PTPRG: variants seen among roughly 807,000 people sequenced by gnomAD.
PTPRG encodes the protein receptor-type tyrosine-protein phosphatase gamma.
PTPRG carries 102 observed loss-of-function variants against 165.3 expected under a neutral mutation model. The ratio of observed to expected loss-of-function variants is 0.62; its 90% CI spans 0.53 to 0.73. PTPRG has a LOEUF of 0.73. PTPRG is among the 30% of genes least tolerant of loss of function. The probability of loss-of-function intolerance (pLI) is 0.00; values close to 1 mark genes in which losing one functional copy is unlikely to be tolerated. For missense variants in PTPRG, 1,866 were observed against 1,861.4 expected (o/e 1.00, Z -0.05); for synonymous variants, 675 against 669.5 (o/e 1.01, Z -0.13).
intron 2 of PTPRG, among the ~76,000 whole-genome samples, chr3:61,841,729 G>C (rs185395664): frequency 1.3e-5 from 2 of 152,148 alleles, no homozygotes; most frequent in African/African-American, 2.4e-5. Context: ...TACTACTGTG[G>C]AATAGTAAAG....
chr3:62,057,320 A>G (rs895089656), intron 4 of PTPRG, among the ~76,000 whole-genome samples: 1 of 152,098 alleles, frequency 6.6e-6, no homozygotes, highest in Non-Finnish European at 1.5e-5. Context: ...ACCCACATCC[A>G]TCCTTCATCC....
intron 1 of PTPRG, among the ~76,000 whole-genome samples, chr3:61,746,108 G>T (rs1458380892): frequency 5.4e-5 from 8 of 149,306 alleles, no homozygotes; most frequent in African/African-American, 2.0e-4. Flanking sequence ...GAGTGGAGTG[G>T]CACAATCACG....
intron 4 of PTPRG, among the ~76,000 whole-genome samples, chr3:62,048,608 T>G (rs549153730): frequency 8.5e-4 from 129 of 152,338 alleles, no homozygotes; most frequent in African/African-American, 3.0e-3. Flanking sequence ...ACTACCTTTT[T>G]AATCTATCTC....
At chr3:61,991,040 T>G (rs1051596658) in intron 3 of PTPRG, among the ~76,000 whole-genome samples, 3 of 152,162 alleles carry the variant, frequency 2.0e-5, no homozygotes. Flanking sequence ...TAGAATTGCT[T>G]CCCACTCACT....
At chr3:62,127,344 G>A (rs76522027) in intron 5 of PTPRG, among the ~76,000 whole-genome samples, 2,779 of 152,306 alleles carry the variant, frequency 0.018, 82 homozygotes, top group African/African-American at 0.054. Context: ...TTAGGTAAGA[G>A]CCACGGAAGG....
intron 2 of PTPRG, among the ~76,000 whole-genome samples, chr3:61,812,664 C>T (rs1025682714): frequency 2.6e-5 from 4 of 152,212 alleles, no homozygotes; most frequent in African/African-American, 9.6e-5. Flanking sequence ...TAAGGGACAA[C>T]AAGACCAGCA....
At position 62,194,735 on chromosome 3, in the gene PTPRG, G is replaced by A. The variant is rs1406284208; in HGVS notation, c.1219-327G>A. Among the ~76,000 whole-genome samples the A allele has an allele frequency of 7.9e-5, 12 of 152,158 alleles. 1 individual carries two copies. The South Asian group carries it at 2.5e-3, about 32-fold the overall frequency. ...AGAGAATCACTTGAACCTGGGAGACGGAAGTTGCAGCGAGCTGAGATTTTG... is the reference window on the plus strand; with the variant it reads ...AGAGAATCACTTGAACCTGGGAGACAGAAGTTGCAGCGAGCTGAGATTTTG... On this transcript the variant is annotated intron_variant, in intron 9 of 29. Coordinates refer to ENST00000474889, the MANE Select transcript of PTPRG (RefSeq NM_002841.4).
chr3:61,822,291 A>T (rs192003367), intron 2 of PTPRG, among the ~76,000 whole-genome samples: 9 of 152,336 alleles, frequency 5.9e-5, no homozygotes, highest in African/African-American at 2.2e-4. Context: ...TCACGTTGTA[A>T]TTGGAAAAGG....
At chr3:61,672,752 GGGAGAGGGAGA>G (rs1274200056) in intron 1 of PTPRG, among the ~76,000 whole-genome samples, 18 of 142,150 alleles carry the variant, frequency 1.3e-4, no homozygotes, top group African/African-American at 3.9e-4. Flanking sequence ...GAGAGGGAGA[GGGAGAGGGAGA>G]AGAGGGAGAG....
chr3:61,662,789 G>A (rs1702701588), intron 1 of PTPRG, among the ~76,000 whole-genome samples: 1 of 152,170 alleles, frequency 6.6e-6, no homozygotes, highest in South Asian at 2.1e-4. Context: ...GCATCAACAA[G>A]GAAGATCTGT....
In PTPRG at chr3:61,602,356, C is replaced by A. The variant is rs925341423; in HGVS notation, c.85+39984C>A. 3.3e-5 allele frequency among the ~76,000 whole-genome samples: 5 copies of A among 151,966 alleles called. No individual in the cohort carries two copies. In the East Asian group the frequency reaches 9.7e-4, roughly 29 times the overall value. On this transcript the variant is annotated intron_variant, in intron 1 of 29. Transcript: ENST00000474889. Reference sequence around the variant, plus strand: ...TAAAAGAGAAGTTCAAACATCCAACCCAGTGTACACAATCCAGAGGGAAAT... The same window carrying A: ...TAAAAGAGAAGTTCAAACATCCAACACAGTGTACACAATCCAGAGGGAAAT...
intron 13 of PTPRG, among the ~76,000 whole-genome samples, chr3:62,223,491 TG>T (rs56937376): frequency 2.0e-5 from 3 of 152,070 alleles, no homozygotes; most frequent in African/African-American, 7.2e-5. Context: ...ACTGGGCAAT[TG>T]GGGGGGCGGA....
At chr3:61,804,390 A>G (rs2035346686) in intron 2 of PTPRG, among the ~76,000 whole-genome samples, 1 of 152,174 alleles carries the variant, frequency 6.6e-6, no homozygotes, top group Admixed American at 6.5e-5. Context: ...TGAGTAACCA[A>G]TTTCTTTGTA....
At chr3:61,667,163 G>A (rs1220351696) in intron 1 of PTPRG, among the ~76,000 whole-genome samples, 1 of 152,086 alleles carries the variant, frequency 6.6e-6, no homozygotes, top group Non-Finnish European at 1.5e-5. Flanking sequence ...AACAGAACTC[G>A]AATCCTAAGA....
intron 3 of PTPRG, among the ~76,000 whole-genome samples, chr3:61,995,520 C>T (rs912442815): frequency 6.6e-6 from 1 of 151,796 alleles, no homozygotes; most frequent in Non-Finnish European, 1.5e-5. Flanking sequence ...ACACGGATGC[C>T]TTTAGTAATC....
chr3:62,152,037 A>G (rs935063169), intron 6 of PTPRG, among the ~76,000 whole-genome samples: 3 of 152,146 alleles, frequency 2.0e-5, no homozygotes, highest in Admixed American at 1.3e-4. Flanking sequence ...ACCTAGCTCT[A>G]GCACTTCTCC....
intron 2 of PTPRG, among the ~76,000 whole-genome samples, chr3:61,966,655 G>A (rs980890475): frequency 6.6e-6 from 1 of 151,844 alleles, no homozygotes; most frequent in African/African-American, 2.4e-5. Flanking sequence ...CCTTATTCAA[G>A]AATGATTTGC....
chr3:61,802,032 A>G (rs2035263332), intron 2 of PTPRG, among the ~76,000 whole-genome samples: 1 of 152,004 alleles, frequency 6.6e-6, no homozygotes, highest in Non-Finnish European at 1.5e-5. Flanking sequence ...CTCAAAAAAA[A>G]AAAAAAAAGA....
intron 2 of PTPRG, among the ~76,000 whole-genome samples, chr3:61,848,474 T>G (rs1389617427): frequency 6.6e-6 from 1 of 152,220 alleles, no homozygotes; most frequent in South Asian, 2.1e-4. Flanking sequence ...AACATTTGCA[T>G]TTTTTATCTT....
Sources: gnomAD v4.1 joint callset for allele counts (sites outside exome capture counted in the v4.1 genomes callset) on GRCh38, gnomAD v4.1.1 for gene constraint, MANE v1.5 for transcripts, NCBI Gene and HGNC (gene_info 2026-07-23, HGNC 2026-07-21) for gene names.